SGCZ: variants seen among roughly 807,000 people sequenced by gnomAD.
The protein encoded by SGCZ is zeta-sarcoglycan.
In SGCZ, 40 loss-of-function variants were observed where a neutral mutation model predicts 41.3. The ratio of observed to expected loss-of-function variants is 0.97; its 90% CI spans 0.75 to 1.26. The LOEUF is 1.26. SGCZ is among the 50% of genes most tolerant of loss of function. SGCZ has a pLI of 0.00. For missense variants in SGCZ, 552 were observed against 369.8 expected, an observed-to-expected ratio of 1.49 and a Z score of -4.04; for synonymous variants, 206 against 137.5, an observed-to-expected ratio of 1.50 and a Z score of -3.49.
At chr8:14,131,573 T>C (rs1445566167) in intron 5 of SGCZ, among the ~76,000 whole-genome samples, 4 of 152,220 alleles carry the variant, frequency 2.6e-5, no homozygotes, top group Admixed American at 2.6e-4. Context: ...TTTTTGTCTT[T>C]GTTTTTGCCA....
At chr8:14,559,359 A>G (rs1005895811) in intron 1 of SGCZ, among the ~76,000 whole-genome samples, 10 of 152,178 alleles carry the variant, frequency 6.6e-5, no homozygotes, top group Admixed American at 5.2e-4. Flanking sequence ...GAATCAAATC[A>G]AGAACTCGAC....
At chr8:14,536,826 A>G (rs1475798677) in intron 2 of SGCZ, among the ~76,000 whole-genome samples, 1 of 151,932 alleles carries the variant, frequency 6.6e-6, no homozygotes, top group Non-Finnish European at 1.5e-5. Flanking sequence ...AAGTGCCACA[A>G]AAAAGAAAAT....
At chr8:14,982,198 A>G (rs1035565397) in intron 1 of SGCZ, among the ~76,000 whole-genome samples, 1 of 151,962 alleles carries the variant, frequency 6.6e-6, no homozygotes, top group Non-Finnish European at 1.5e-5. Context: ...TGAAAATACA[A>G]TTAAGACTGA....
At chr8:15,225,258 T>C (rs1331833847) in intron 1 of SGCZ, among the ~76,000 whole-genome samples, 1 of 152,078 alleles carries the variant, frequency 6.6e-6, no homozygotes, top group Non-Finnish European at 1.5e-5. Flanking sequence ...CACAATGCAA[T>C]TTAGTTAAAA....
chr8:14,902,902 C>T (rs1040589519), intron 1 of SGCZ, among the ~76,000 whole-genome samples: 6 of 152,030 alleles, frequency 3.9e-5, no homozygotes, highest in African/African-American at 1.2e-4. Flanking sequence ...ATATACGTCT[C>T]CCTGATTAAC....
intron 2 of SGCZ, among the ~76,000 whole-genome samples, chr8:14,447,488 G>T (rs1228727729): frequency 6.6e-6 from 1 of 152,056 alleles, no homozygotes; most frequent in Non-Finnish European, 1.5e-5. Context: ...ATAATGAAAT[G>T]AGTTGATTTT....
chr8:14,159,900 C>T (rs1394167233), intron 5 of SGCZ, among the ~76,000 whole-genome samples: 1 of 152,116 alleles, frequency 6.6e-6, no homozygotes, highest in Non-Finnish European at 1.5e-5. Flanking sequence ...AACCCAGAAG[C>T]ATGGTGTTTA....
intron 1 of SGCZ, among the ~76,000 whole-genome samples, chr8:15,039,467 G>A (rs1049453774): frequency 2.0e-5 from 3 of 152,172 alleles, no homozygotes; most frequent in African/African-American, 7.2e-5. Context: ...AAAGTTTGGA[G>A]GATCAGTGGG....
chr8:14,396,451 G>T (rs1359361050), intron 2 of SGCZ, among the ~76,000 whole-genome samples: 1 of 152,038 alleles, frequency 6.6e-6, no homozygotes, highest in African/African-American at 2.4e-5. Context: ...GATCACTTAG[G>T]CGTGAAGGAT....
In SGCZ at chr8:14,255,494, A is replaced by G. The variant is rs530976296; in HGVS notation, c.337-17815T>C. On this transcript the variant is annotated intron_variant, in intron 3 of 7. Coordinates refer to ENST00000382080, the MANE Select transcript of SGCZ (RefSeq NM_139167.4). ...ATTTCTTGAGGATTGAGGTAAAAGT[A>G]CAATTAAAATTTGTATTCAACTGAT... Among the ~76,000 whole-genome samples, 13 of 152,328 alleles carry G rather than the reference A, an allele frequency of 8.5e-5. No individual in the cohort carries two copies. In the East Asian group the frequency reaches 2.5e-3, roughly 29 times the overall value.
intron 2 of SGCZ, among the ~76,000 whole-genome samples, chr8:14,417,135 G>C (rs932515165): frequency 3.3e-5 from 5 of 151,794 alleles, no homozygotes; most frequent in African/African-American, 1.2e-4. Context: ...GCCCGTCTTA[G>C]AGACTTCTTA....
intron 1 of SGCZ, among the ~76,000 whole-genome samples, chr8:14,774,606 T>C (rs984035167): frequency 6.6e-6 from 1 of 152,206 alleles, no homozygotes; most frequent in Non-Finnish European, 1.5e-5. Context: ...TGCATTGAAA[T>C]GAATAATATG....
chr8:14,105,421 A>C (rs1237395546), intron 6 of SGCZ, among the ~76,000 whole-genome samples: 3 of 152,152 alleles, frequency 2.0e-5, no homozygotes, highest in Non-Finnish European at 4.4e-5. Flanking sequence ...TCCCTAAATT[A>C]ACATTTTATT....
At chr8:14,842,016 C>A (rs941074802) in intron 1 of SGCZ, among the ~76,000 whole-genome samples, 2 of 152,162 alleles carry the variant, frequency 1.3e-5, no homozygotes, top group Non-Finnish European at 2.9e-5. Context: ...CATTTTTATT[C>A]ATTTAGCAAA....
chr8:15,002,349 C>G (rs539868851), intron 1 of SGCZ, among the ~76,000 whole-genome samples: 1 of 152,012 alleles, frequency 6.6e-6, no homozygotes, highest in South Asian at 2.1e-4. Flanking sequence ...ACAGATTGCA[C>G]GGTTGGTGCC....
chr8:14,695,255 A>T (rs972756564), intron 1 of SGCZ, among the ~76,000 whole-genome samples: 19 of 152,194 alleles, frequency 1.2e-4, no homozygotes, highest in African/African-American at 4.6e-4. Context: ...TTCTCTTATG[A>T]AAAGCTCTTT....
chr8:14,156,256 G>C (rs919617598), intron 5 of SGCZ, among the ~76,000 whole-genome samples: 1 of 152,074 alleles, frequency 6.6e-6, no homozygotes, highest in Non-Finnish European at 1.5e-5. Flanking sequence ...TCAGGAGATG[G>C]AGACCATCCT....
intron 1 of SGCZ, among the ~76,000 whole-genome samples, chr8:14,612,906 G>A (rs941107999): frequency 2.6e-5 from 4 of 152,058 alleles, no homozygotes; most frequent in South Asian, 2.1e-4. Flanking sequence ...GGGTAGCCTC[G>A]AACTCCTGAG....
chr8:14,313,177 T>G (rs1334644293), intron 3 of SGCZ, among the ~76,000 whole-genome samples: 1 of 152,190 alleles, frequency 6.6e-6, no homozygotes, highest in Non-Finnish European at 1.5e-5. Context: ...CTGTTAGAAC[T>G]GGTTGAGAAT....
Sources: allele counts gnomAD v4.1 joint callset (sites outside exome capture counted in the v4.1 genomes callset), GRCh38; gene constraint gnomAD v4.1.1; transcripts MANE v1.5; gene names NCBI Gene and HGNC (gene_info 2026-07-23, HGNC 2026-07-21).